The following COPB2 variants were observed in gnomAD, a reference collection of about 807,000 sequenced individuals.
COPB2 encodes coatomer subunit beta'.
COPB2 carries 16 observed loss-of-function variants against 120.8 expected under a neutral mutation model. The observed-to-expected ratio is 0.13, with a 90% CI of 0.09 to 0.20. COPB2 has a LOEUF of 0.20. Among genes scored for constraint, COPB2 ranks in the 10% least tolerant of loss-of-function variants. The pLI, the probability that COPB2 is intolerant of heterozygous loss-of-function variation, is 1.00. For missense variants in COPB2, 794 were observed against 1,076.5 expected (o/e 0.74, Z 3.67); for synonymous variants, 332 against 366.3 (o/e 0.91, Z 1.07).
chr3:139,360,192 TAAAAA>T lies in COPB2; in HGVS notation c.2211-835_2211-831del, dbSNP rs10665711. ...AGTTATATGGCGAAGTATGGGATTG[TAAAAA>T]AAAAAAAAAATCAGTATGTAGGAGA... On this transcript the variant is annotated intron_variant, in intron 17 of 21. Transcript: ENST00000333188. Among the ~76,000 whole-genome samples, 88 of 147,548 alleles carry T rather than the reference TAAAAA, an allele frequency of 6.0e-4. 1 individual carries two copies. Among genetic ancestry groups the T allele is most frequent in the Non-Finnish European group, 2.7e-4 (18 of 67,110 alleles).
At chr3:139,380,850 G>A (rs982992842) in intron 2 of COPB2, 5 of 152,078 alleles carry the variant, frequency 3.3e-5, no homozygotes, top group Admixed American at 6.6e-5. Context: ...TCTATAACAC[G>A]GCAGAAAAAT....
At chr3:139,358,368 G>A in intron 20 of COPB2, 97 bp from the exon 21 acceptor site, 1 of 1,091,334 alleles carries the variant, frequency 9.2e-7, no homozygotes, top group African/African-American at 1.6e-5. Flanking sequence ...TTAGGAAGTG[G>A]GAGATGATGT....
chr3:139,379,375 C>T lies in COPB2; in HGVS notation c.228+5G>A. 6.2e-7 allele frequency: 1 copy of T among 1,613,192 alleles called. No homozygotes were observed. The highest frequency in any genetic ancestry group is 1.3e-5 in the African/African-American group (1 of 75,012). ...TGGGAATAGAGATTCATATTAATTA[C>T]TTACCGCTCCTGTCACAACCCAATT... is the stretch of plus-strand genomic sequence containing the variant. On this transcript the variant is annotated splice_donor_5th_base_variant and intron_variant, in intron 3 of 21. Transcript: ENST00000333188.
rs374583997 is a variant in COPB2 at position 139,359,125 on chromosome 3, T to C, written c.2357A>G (p.Glu786Gly). The change falls in exon 19 of 22, where the codon GAA (glutamate) becomes GGA (glycine). Residue 786 changes from glutamate (E) to glycine (G), a missense_variant. Glu to Gly is a moderately conservative substitution (Grantham distance 98). Coordinates refer to ENST00000333188, the MANE Select transcript of COPB2 (RefSeq NM_004766.3). ...ATACTCTGTTGGGTCAGCAAGGGAT[T>C]CTGCTGCTTTCTGATTGACTTTTGA... ...NLSKVNQKAA[E>G]SLADPTEYEN... The C allele has an allele frequency of 6.2e-7, 1 of 1,613,994 alleles. No homozygotes were observed. Among genetic ancestry groups the C allele is most frequent in the Non-Finnish European group, 8.5e-7 (1 of 1,180,020 alleles).
At chr3:139,384,580 C>T (rs1043770858) in intron 1 of COPB2, among the ~76,000 whole-genome samples, 1 of 152,194 alleles carries the variant, frequency 6.6e-6, no homozygotes, top group Non-Finnish European at 1.5e-5. Flanking sequence ...AACTTAAAAA[C>T]GCTACAAGTG....
In COPB2 at chr3:139,389,633, T is replaced by C; in HGVS notation, c.-83A>G. 4 of 1,384,316 alleles carry C rather than the reference T, an allele frequency of 2.9e-6. No individual in the cohort carries two copies. Among genetic ancestry groups the C allele is most frequent in the Non-Finnish European group, 4.0e-6 (4 of 1,008,376 alleles). The allele number at this position is 1,384,316 out of a possible 1,614,324, so 85.8% of individuals were successfully genotyped here. On this transcript the variant is annotated 5_prime_UTR_variant, in exon 1 of 22. Transcript: ENST00000333188. ...GATAAACCCACCGATCCACTGACCGTCAGACTGACTGACGTGGAACTTCCG... is the reference window on the plus strand; with the variant it reads ...GATAAACCCACCGATCCACTGACCGCCAGACTGACTGACGTGGAACTTCCG...
intron 15 of COPB2, among the ~76,000 whole-genome samples, chr3:139,365,556 A>G (rs1416613961): frequency 1.3e-5 from 2 of 152,182 alleles, no homozygotes; most frequent in Non-Finnish European, 2.9e-5. Flanking sequence ...GAAAGGAGAT[A>G]GGGGTATAAG....
chr3:139,359,061 A>G lies in COPB2; in HGVS notation c.2421T>C (p.Val807=). 1 of 1,614,026 alleles carries G rather than the reference A, an allele frequency of 6.2e-7. No homozygotes were observed. Among genetic ancestry groups the G allele is most frequent in the South Asian group, 1.1e-5 (1 of 91,076 alleles). ...CATGTGTTTCCTTCACCCATTCTTC[A>G]ACAACAAAGGCTTCTTTTAATCCAG... The part of the protein sequence containing the change: ...LFPGLKEAFV[V]EEWVKETHAD... The change falls in exon 19 of 22, where the codon GTT becomes GTC. Residue 807 remains valine, a synonymous_variant. Transcript: ENST00000333188.
chr3:139,357,520 T>G lies in COPB2; in HGVS notation c.*343A>C. 4.9e-6 allele frequency: 1 copy of G among 204,944 alleles called. No homozygotes were observed. 12.7% of individuals were successfully genotyped at this position (204,944 alleles called of 1,614,324 possible). A position where few individuals can be genotyped will look rare whatever the true frequency, so the allele number is the denominator to read the frequency against. On this transcript the variant is annotated 3_prime_UTR_variant, in exon 22 of 22. Transcript: ENST00000333188. The stretch of plus-strand genomic sequence containing the variant: ...CAGTGGGGCTGATCCCTAGGCAAGG[T>G]GTAGTTTCGGCTCAGCCTTCTAAAA...
At chr3:139,358,294 A>T (rs377725838) in intron 20 of COPB2, 23 bp from the exon 21 acceptor site, 40 of 1,595,378 alleles carry the variant, frequency 2.5e-5, no homozygotes, top group Non-Finnish European at 3.1e-5. Flanking sequence ...GTGAAGATAT[A>T]TATGAAGACA....
At chr3:139,387,587 T>G (rs1176734333) in intron 1 of COPB2, among the ~76,000 whole-genome samples, 1 of 152,256 alleles carries the variant, frequency 6.6e-6, no homozygotes, top group Non-Finnish European at 1.5e-5. Flanking sequence ...ACACATCTTT[T>G]CTTGCTTTCT....
intron 13 of COPB2, 152 bp downstream of exon 13, chr3:139,367,993 G>C: frequency 1.3e-6 from 1 of 751,746 alleles, no homozygotes; most frequent in Non-Finnish European, 1.9e-6. Flanking sequence ...TATGAGTTAC[G>C]ATTTTAATTT....
chr3:139,371,590 C>T, intron 10 of COPB2, 133 bp downstream of exon 10: 1 of 670,898 alleles, frequency 1.5e-6, no homozygotes, highest in Non-Finnish European at 2.5e-6. Flanking sequence ...TCTCATCTTC[C>T]AATGGACAGC....
At chr3:139,364,375 TAA>T (rs1371073395) in intron 15 of COPB2, among the ~76,000 whole-genome samples, 8 of 151,586 alleles carry the variant, frequency 5.3e-5, no homozygotes, top group Non-Finnish European at 1.2e-4. Flanking sequence ...GAGGACAAAC[TAA>T]AGAGTCTCCA....
At chr3:139,373,876 G>A in intron 7 of COPB2, 68 bp from the exon 8 acceptor site, 1 of 1,576,680 alleles carries the variant, frequency 6.3e-7, no homozygotes, top group Non-Finnish European at 8.6e-7. Flanking sequence ...TCAGGTGAAA[G>A]AGACCCATAG....
In COPB2 at chr3:139,359,306, A is replaced by G; in HGVS notation, c.2267T>C (p.Phe756Ser). 6.2e-7 allele frequency: 1 copy of G among 1,614,236 alleles called. No homozygotes were observed. Among genetic ancestry groups the G allele is most frequent in the Non-Finnish European group, 8.5e-7 (1 of 1,180,034 alleles). ...ACTGGGTAAGTAAGTTCGGGCCAAG[A>G]AGGCAGCTTCTGGCAGCCGTCCAGT... ...IRTGRLPEAAFLARTYLPSQV... is the reference protein window; with the variant it reads ...IRTGRLPEAASLARTYLPSQV... The change falls in exon 18 of 22, where the codon TTC becomes TCC. Residue 756 changes from phenylalanine (F) to serine (S), a missense_variant. This residue lies in a region of COPB2 where 178 missense variants were observed against 183.2 expected (regional missense o/e 0.97). Transcript: ENST00000333188.
chr3:139,358,991 C>T lies in COPB2; in HGVS notation c.2484+7G>A, dbSNP rs1941355131. ...AATAAATGAAGCTTGACATCCTGGC[C>T]ACTCACCGTGACAAGTGGGTATTGT... On this transcript the variant is annotated splice_region_variant and intron_variant, in intron 19 of 21. Coordinates refer to ENST00000333188, the MANE Select transcript of COPB2 (RefSeq NM_004766.3). 1 of 1,609,674 alleles carries T rather than the reference C, an allele frequency of 6.2e-7. No homozygotes were observed. Among genetic ancestry groups the T allele is most frequent in the Non-Finnish European group, 8.5e-7 (1 of 1,178,392 alleles).
At chr3:139,371,518 G>A (rs1241947768) in intron 10 of COPB2, among the ~76,000 whole-genome samples, 5 of 152,202 alleles carry the variant, frequency 3.3e-5, no homozygotes, top group African/African-American at 4.8e-5. Context: ...GCTTGAGTGA[G>A]CCAGCCTAAC....
chr3:139,370,994 C>A (rs1387177190), intron 10 of COPB2, among the ~76,000 whole-genome samples: 1 of 152,102 alleles, frequency 6.6e-6, no homozygotes, highest in Non-Finnish European at 1.5e-5. Context: ...TAAGTTACCC[C>A]ACTGTTGGGG....
Sources: allele counts gnomAD v4.1 joint callset (sites outside exome capture counted in the v4.1 genomes callset), GRCh38; gene constraint gnomAD v4.1.1; regional missense constraint gnomAD v4.1.1; transcripts MANE v1.5; gene names NCBI Gene and HGNC (gene_info 2026-07-23, HGNC 2026-07-21).